The following DLG2 variants were observed in gnomAD, a reference collection of about 807,000 sequenced individuals.
DLG2 encodes the protein discs large MAGUK scaffold protein 2, also known as disks large homolog 2.
In DLG2, 45 loss-of-function variants were observed where a neutral mutation model predicts 132.5. That is an observed-to-expected ratio of 0.34 (90% CI 0.27 to 0.44). DLG2 has a LOEUF of 0.44. Ranked by LOEUF, DLG2 falls within the 20% of genes least tolerant of loss-of-function variation. The probability of loss-of-function intolerance (pLI) is 1.00; values close to 1 mark genes in which losing one functional copy is unlikely to be tolerated. For synonymous variants in DLG2, 424 were observed against 419.6 expected (o/e 1.01, Z -0.13); for missense variants, 1,045 against 1,196.9 (o/e 0.87, Z 1.87).
intron 3 of DLG2, among the ~76,000 whole-genome samples, chr11:85,511,997 G>GA (rs1257361877): frequency 4.1e-4 from 63 of 152,120 alleles, no homozygotes; most frequent in African/African-American, 1.5e-3. Flanking sequence ...ATACCAATGT[G>GA]AAAAACAAAA....
At chr11:83,523,479 T>G (rs2095533696) in intron 21 of DLG2, among the ~76,000 whole-genome samples, 1 of 152,214 alleles carries the variant, frequency 6.6e-6, no homozygotes, top group South Asian at 2.1e-4. Flanking sequence ...TTGATTTGCT[T>G]GCACAATAAC....
chr11:84,782,298 C>A (rs1212841446), intron 6 of DLG2, among the ~76,000 whole-genome samples: 1 of 152,056 alleles, frequency 6.6e-6, no homozygotes, highest in African/African-American at 2.4e-5. Flanking sequence ...AAATATATCA[C>A]TAGGTACCTT....
At chr11:85,490,360 A>G (rs2093528238) in intron 3 of DLG2, among the ~76,000 whole-genome samples, 1 of 152,038 alleles carries the variant, frequency 6.6e-6, no homozygotes, top group South Asian at 2.1e-4. Context: ...ACAATCTAAC[A>G]ACTAGTTAGA....
At chr11:84,161,720 C>G (rs543093141) in intron 9 of DLG2, among the ~76,000 whole-genome samples, 1 of 152,148 alleles carries the variant, frequency 6.6e-6, no homozygotes, top group Non-Finnish European at 1.5e-5. Context: ...CTCAGCTTCA[C>G]GGGCATGAGA....
chr11:84,934,525 G>GTTTTTTTTTTTTTTTTTTT (rs757894179), intron 6 of DLG2, among the ~76,000 whole-genome samples: 4 of 38,658 alleles, frequency 1.0e-4, no homozygotes, highest in Non-Finnish European at 1.7e-4. Context: ...GTTTTGTTTT[G>GTTTTTTTTTTTTTTTTTTT]TTTTTTTTTT....
intron 6 of DLG2, among the ~76,000 whole-genome samples, chr11:85,053,361 G>A (rs1005128889): frequency 3.3e-5 from 5 of 152,112 alleles, no homozygotes; most frequent in African/African-American, 1.2e-4. Flanking sequence ...TGTGTCATCT[G>A]TCAACTAGGC....
intron 6 of DLG2, among the ~76,000 whole-genome samples, chr11:85,095,267 G>C (rs1309479508): frequency 6.6e-6 from 1 of 152,206 alleles, no homozygotes; most frequent in Non-Finnish European, 1.5e-5. Context: ...AGCATATGCT[G>C]TTGGAAAAAT....
chr11:84,475,427 A>G (rs571569031), intron 7 of DLG2, among the ~76,000 whole-genome samples: 3 of 152,182 alleles, frequency 2.0e-5, no homozygotes, highest in East Asian at 3.9e-4. Context: ...AAGGCTTTCT[A>G]TTTTATTATG....
chr11:83,547,265 T>A (rs1043259899), intron 19 of DLG2, among the ~76,000 whole-genome samples: 17 of 152,104 alleles, frequency 1.1e-4, no homozygotes, highest in Non-Finnish European at 2.5e-4. Flanking sequence ...ATAGGAGAAA[T>A]AATATCCTTA....
At chr11:85,042,800 A>G (rs1018050676) in intron 6 of DLG2, among the ~76,000 whole-genome samples, 2 of 151,974 alleles carry the variant, frequency 1.3e-5, no homozygotes, top group African/African-American at 4.8e-5. Flanking sequence ...TTTAAAGATA[A>G]GCTCAAAGTC....
intron 6 of DLG2, among the ~76,000 whole-genome samples, chr11:85,042,487 T>C (rs2061963446): frequency 6.6e-6 from 1 of 152,052 alleles, no homozygotes; most frequent in Non-Finnish European, 1.5e-5. Context: ...GGTTAATTAA[T>C]CTGCTTAAGA....
At chr11:85,357,472 G>A (rs555115915) in intron 3 of DLG2, among the ~76,000 whole-genome samples, 22 of 148,908 alleles carry the variant, frequency 1.5e-4, no homozygotes, top group Admixed American at 8.2e-4. Flanking sequence ...GATTACAGGC[G>A]TGAGAATATC....
At chr11:85,270,474 T>C (rs759704438) in intron 4 of DLG2, among the ~76,000 whole-genome samples, 14 of 152,152 alleles carry the variant, frequency 9.2e-5, no homozygotes, top group Admixed American at 1.3e-4. Context: ...AGTAATTTGG[T>C]ACTGACAGTG....
intron 7 of DLG2, among the ~76,000 whole-genome samples, chr11:84,350,746 G>T (rs2098561542): frequency 6.6e-6 from 1 of 152,098 alleles, no homozygotes; most frequent in Non-Finnish European, 1.5e-5. Context: ...TGCACTGCAG[G>T]TATAATCTAT....
chr11:83,764,041 A>G (rs1242969254), intron 18 of DLG2, among the ~76,000 whole-genome samples: 2 of 152,246 alleles, frequency 1.3e-5, no homozygotes, highest in African/African-American at 4.8e-5. Flanking sequence ...TTTGAACAAG[A>G]GCCTCTGAAA....
chr11:83,523,226 T>C (rs896003401), intron 21 of DLG2, among the ~76,000 whole-genome samples: 2 of 152,146 alleles, frequency 1.3e-5, no homozygotes, highest in East Asian at 1.9e-4. Context: ...AAAGTAGAAA[T>C]GGGTTGAGCT....
At chr11:83,626,839 G>A (rs1268594599) in intron 19 of DLG2, among the ~76,000 whole-genome samples, 2 of 152,150 alleles carry the variant, frequency 1.3e-5, no homozygotes, top group Non-Finnish European at 2.9e-5. Flanking sequence ...GCCTTGTTTG[G>A]ATGAGAAATG....
chr11:84,861,617 G>GAAAA (rs2083652359), intron 6 of DLG2, among the ~76,000 whole-genome samples: 2 of 12,786 alleles, frequency 1.6e-4, no homozygotes, highest in African/African-American at 3.2e-4. Context: ...CTTCTACACA[G>GAAAA]CAAAAAAAAA....
intron 6 of DLG2, among the ~76,000 whole-genome samples, chr11:85,066,977 C>T (rs1025749893): frequency 6.6e-6 from 1 of 151,620 alleles, no homozygotes; most frequent in Non-Finnish European, 1.5e-5. Flanking sequence ...AATTAGAAAA[C>T]GGGAAGTCAA....
Sources: allele counts gnomAD v4.1 joint callset (sites outside exome capture counted in the v4.1 genomes callset), GRCh38; gene constraint gnomAD v4.1.1; transcripts MANE v1.5; gene names NCBI Gene and HGNC (gene_info 2026-07-23, HGNC 2026-07-21).